The following ADAMTS6 variants were observed in gnomAD, a reference collection of about 807,000 sequenced individuals.
The protein encoded by ADAMTS6 is A disintegrin and metalloproteinase with thrombospondin motifs 6.
ADAMTS6 carries 23 observed loss-of-function variants against 144.3 expected under a neutral mutation model. The ratio of observed to expected loss-of-function variants is 0.16; its 90% CI spans 0.11 to 0.23. ADAMTS6 has a LOEUF of 0.23. ADAMTS6 is among the 10% of genes least tolerant of loss of function. ADAMTS6 has a pLI of 1.00. For missense variants in ADAMTS6, 999 were observed against 1,379.6 expected (o/e 0.72, Z 4.37); for synonymous variants, 444 against 457.5 (o/e 0.97, Z 0.38).
intron 14 of ADAMTS6, among the ~76,000 whole-genome samples, chr5:65,253,193 AT>A (rs1760334205): frequency 6.6e-6 from 1 of 152,142 alleles, no homozygotes; most frequent in Non-Finnish European, 1.5e-5. Flanking sequence ...TACCCAGCCA[AT>A]TTTCTATTTT....
At chr5:65,390,541 G>A (rs111398089) in intron 7 of ADAMTS6, among the ~76,000 whole-genome samples, 3,034 of 152,280 alleles carry the variant, frequency 0.02, 99 homozygotes, top group African/African-American at 0.069. Context: ...CATAAATTCA[G>A]TCATTCAGGC....
At chr5:65,349,620 C>T (rs771383490) in intron 7 of ADAMTS6, among the ~76,000 whole-genome samples, 9 of 151,806 alleles carry the variant, frequency 5.9e-5, no homozygotes, top group Non-Finnish European at 1.2e-4. Context: ...TTTGGGAGGC[C>T]GAGGTGGGTG....
chr5:65,345,105 A>C (rs1355355225), intron 7 of ADAMTS6, among the ~76,000 whole-genome samples: 1 of 151,814 alleles, frequency 6.6e-6, no homozygotes, highest in African/African-American at 2.4e-5. Flanking sequence ...ATCTAAAAAA[A>C]TTCCTGGAGC....
At chr5:65,337,907 C>T (rs1177497386) in intron 7 of ADAMTS6, among the ~76,000 whole-genome samples, 1 of 152,070 alleles carries the variant, frequency 6.6e-6, no homozygotes, top group African/African-American at 2.4e-5. Context: ...ACTTTTATTG[C>T]AGCAGTACAA....
intron 24 of ADAMTS6, among the ~76,000 whole-genome samples, chr5:65,162,645 AC>A (rs2112009665): frequency 6.6e-6 from 1 of 151,872 alleles, no homozygotes; most frequent in South Asian, 2.1e-4. Context: ...ACACACACAC[AC>A]ACACACACAC....
intron 7 of ADAMTS6, among the ~76,000 whole-genome samples, chr5:65,418,200 A>G (rs1232743442): frequency 6.6e-6 from 1 of 152,156 alleles, no homozygotes. Context: ...ACCTTTTACT[A>G]TATATAAAAA....
chr5:65,153,875 T>C (rs953419322), intron 24 of ADAMTS6, among the ~76,000 whole-genome samples: 1 of 152,108 alleles, frequency 6.6e-6, no homozygotes, highest in African/African-American at 2.4e-5. Context: ...ATAAATTGCT[T>C]CTCCCTTCAC....
In ADAMTS6 at chr5:65,214,736, A is replaced by G. The variant is rs749536053; in HGVS notation, c.2575+58T>C. 2 of 1,610,170 alleles carry G rather than the reference A, an allele frequency of 1.2e-6. No homozygotes were observed. Among genetic ancestry groups the G allele is most frequent in the South Asian group, 1.1e-5 (1 of 90,996 alleles). On this transcript the variant is annotated intron_variant, in intron 20 of 24. Coordinates refer to ENST00000381055, the MANE Select transcript of ADAMTS6 (RefSeq NM_197941.4). The surrounding 1 kb of genome is among the most constrained non-coding windows in gnomAD (Gnocchi z 4.6). ...TTTTAACAAACACAAAGCATAGCTC[A>G]GAATGTGTTTTGTTCTCCATCTTGC...
chr5:65,255,029 G>A (rs1000833934), intron 14 of ADAMTS6, among the ~76,000 whole-genome samples: 1 of 152,268 alleles, frequency 6.6e-6, no homozygotes, highest in East Asian at 1.9e-4. Context: ...AATTAAAATA[G>A]CTCTGAGGTA....
rs1561304665 is a variant in ADAMTS6, at chr5:65,230,302, A to ATATATGAAATATATATAATACAT, written c.1934-4084_1934-4083insATGTATTATATATATTTCATATA. On this transcript the variant is annotated intron_variant, in intron 15 of 24. Coordinates refer to ENST00000381055, the MANE Select transcript of ADAMTS6 (RefSeq NM_197941.4). ...ATACCTAAAGCATATATATATATAT[A>ATATATGAAATATATATAATACAT]TATATATATGAAATATATATAATAC... 2.2e-4 allele frequency among the ~76,000 whole-genome samples: 18 copies of ATATATGAAATATATATAATACAT among 80,110 alleles called. 4 individuals are homozygous for ATATATGAAATATATATAATACAT. Among genetic ancestry groups the ATATATGAAATATATATAATACAT allele is most frequent in the Admixed American group, 8.1e-4 (6 of 7,408 alleles). The allele number at this position is 80,110 out of a possible 152,430, so 52.6% of individuals were successfully genotyped here. A position where few individuals can be genotyped will look rare whatever the true frequency, so the allele number is the denominator to read the frequency against.
intron 24 of ADAMTS6, 89 bp from the exon 25 acceptor site, chr5:65,152,034 A>G: frequency 8.4e-7 from 1 of 1,183,434 alleles, no homozygotes; most frequent in Non-Finnish European, 1.2e-6. Flanking sequence ...TTCAGCAAGG[A>G]CCCCCTTTGG....
At chr5:65,457,401 T>C (rs887290866) in intron 4 of ADAMTS6, among the ~76,000 whole-genome samples, 1 of 152,048 alleles carries the variant, frequency 6.6e-6, no homozygotes, top group Non-Finnish European at 1.5e-5. Context: ...CTCACAGTAA[T>C]CCAAATAAGA....
rs769876682 is a variant in ADAMTS6 at position 65,460,150 on chromosome 5, A to T, written c.631+20T>A. ...GCAATCCAGTACAATACGCTTTGTA[A>T]AAGCTGCACACTCACTCACCCGAAA... On this transcript the variant is annotated intron_variant, in intron 4 of 24. Transcript: ENST00000381055. The T allele has an allele frequency of 4.3e-6, 7 of 1,612,450 alleles. No individual in the cohort carries two copies. The African/African-American group carries it at 9.4e-5, about 22-fold the overall frequency.
Position 65,214,400 on chromosome 5 carries a change from C to G in ADAMTS6, c.2575+394G>C. 2.9e-6 allele frequency: 1 copy of G among 346,092 alleles called. No homozygotes were observed. The highest frequency in any genetic ancestry group is 5.6e-6 in the Non-Finnish European group (1 of 178,274). 21.4% of individuals were successfully genotyped at this position (346,092 alleles called of 1,614,324 possible). A position where few individuals can be genotyped will look rare whatever the true frequency, so the allele number is the denominator to read the frequency against. ...CACACAAACACACACAACAAGCACA[C>G]AGCCGTACATTCTCATCTCCCATTA... On this transcript the variant is annotated intron_variant, in intron 20 of 24. Coordinates refer to ENST00000381055, the MANE Select transcript of ADAMTS6 (RefSeq NM_197941.4). This position sits in a 1 kb window ranked among gnomAD's most constrained non-coding sequence, Gnocchi z 4.6.
At chr5:65,229,395 G>A (rs1174247647) in intron 15 of ADAMTS6, among the ~76,000 whole-genome samples, 1 of 152,094 alleles carries the variant, frequency 6.6e-6, no homozygotes, top group Non-Finnish European at 1.5e-5. Context: ...CAAGAAACCA[G>A]AAGAAAAATC....
chr5:65,236,910 C>T (rs1433112205), intron 15 of ADAMTS6, among the ~76,000 whole-genome samples: 1 of 151,886 alleles, frequency 6.6e-6, no homozygotes, highest in African/African-American at 2.4e-5. Flanking sequence ...ATTGATAAAT[C>T]CCAAACAAGA....
At chr5:65,456,764 G>T (rs1378780888) in intron 4 of ADAMTS6, among the ~76,000 whole-genome samples, 1 of 152,052 alleles carries the variant, frequency 6.6e-6, no homozygotes, top group African/African-American at 2.4e-5. Context: ...TTATCTCTGG[G>T]TATTGGAATA....
chr5:65,202,696 TC>T (rs1755812634), intron 20 of ADAMTS6, among the ~76,000 whole-genome samples: 1 of 152,226 alleles, frequency 6.6e-6, no homozygotes, highest in South Asian at 2.1e-4. Context: ...TCCTCACTGA[TC>T]TGAAGAACTC....
chr5:65,213,273 T>C (rs971625174), intron 20 of ADAMTS6, among the ~76,000 whole-genome samples: 10 of 152,356 alleles, frequency 6.6e-5, no homozygotes, highest in South Asian at 2.1e-4. Flanking sequence ...TTTTTTGTTT[T>C]TTTCATGTTG....
Sources: allele counts gnomAD v4.1 joint callset (sites outside exome capture counted in the v4.1 genomes callset), GRCh38; gene constraint gnomAD v4.1.1; non-coding constraint Gnocchi (gnomAD v3.1); transcripts MANE v1.5; gene names NCBI Gene and HGNC (gene_info 2026-07-23, HGNC 2026-07-21).